Variants in SORCS1 observed in about 807,000 individuals in gnomAD.
SORCS1 encodes VPS10 domain-containing receptor SorCS1.
Under a neutral mutation model 146.1 loss-of-function variants are expected in SORCS1, and 60 were observed. The ratio of observed to expected loss-of-function variants is 0.41; its 90% CI spans 0.33 to 0.51. SORCS1 has a LOEUF of 0.51. Ranked by LOEUF, SORCS1 falls within the 20% of genes least tolerant of loss-of-function variation. The pLI is 0.21. For missense variants in SORCS1, 1,352 were observed against 1,487.6 expected (o/e 0.91, Z 1.50); for synonymous variants, 637 against 584.0 (o/e 1.09, Z -1.31).
At chr10:107,061,468 G>C (rs138810401) in intron 1 of SORCS1, among the ~76,000 whole-genome samples, 1 of 152,026 alleles carries the variant, frequency 6.6e-6, no homozygotes, top group Non-Finnish European at 1.5e-5. Flanking sequence ...CAGGTTTTTC[G>C]ACATCTCTTA....
chr10:106,646,526 T>A (rs754271087), intron 18 of SORCS1, among the ~76,000 whole-genome samples: 3 of 151,610 alleles, frequency 2.0e-5, no homozygotes, highest in East Asian at 3.9e-4. Flanking sequence ...TGAGACCCCG[T>A]CTCTACTAAA....
intron 2 of SORCS1, among the ~76,000 whole-genome samples, chr10:106,903,842 T>C (rs1158075439): frequency 6.6e-6 from 1 of 152,240 alleles, no homozygotes; most frequent in Non-Finnish European, 1.5e-5. Context: ...TTTATGTCCA[T>C]GCTTGTATGC....
intron 1 of SORCS1, among the ~76,000 whole-genome samples, chr10:107,058,489 T>C (rs1346314942): frequency 2.6e-5 from 4 of 152,184 alleles, no homozygotes; most frequent in Non-Finnish European, 4.4e-5. Flanking sequence ...ACAAAGAAAT[T>C]ACCTTGACTA....
At chr10:107,010,411 T>C (rs1426252773) in intron 1 of SORCS1, among the ~76,000 whole-genome samples, 1 of 145,506 alleles carries the variant, frequency 6.9e-6, no homozygotes, top group Admixed American at 7.0e-5. Flanking sequence ...CCTAGTTACT[T>C]GCTCACAAGG....
At chr10:106,698,101 G>A (rs1388773058) in intron 9 of SORCS1, among the ~76,000 whole-genome samples, 1 of 152,090 alleles carries the variant, frequency 6.6e-6, no homozygotes, top group African/African-American at 2.4e-5. Context: ...TCTAAATTTG[G>A]CATACAGTTT....
chr10:106,843,690 C>CT (rs1187663117), intron 2 of SORCS1, among the ~76,000 whole-genome samples: 1 of 152,064 alleles, frequency 6.6e-6, no homozygotes, highest in Non-Finnish European at 1.5e-5. Flanking sequence ...CCACCTTGGC[C>CT]CCCCAAAGTG....
chr10:107,103,567 A>T (rs1433739474), intron 1 of SORCS1, among the ~76,000 whole-genome samples: 3 of 152,196 alleles, frequency 2.0e-5, no homozygotes, highest in African/African-American at 7.2e-5. Context: ...AAGGCTTGAA[A>T]ACTACACATT....
At chr10:107,162,621 C>T (rs548201964) in intron 1 of SORCS1, among the ~76,000 whole-genome samples, 2 of 152,164 alleles carry the variant, frequency 1.3e-5, no homozygotes, top group Non-Finnish European at 2.9e-5. Flanking sequence ...TACATCAATG[C>T]TAAATATTAT....
intron 1 of SORCS1, among the ~76,000 whole-genome samples, chr10:107,137,745 C>T (rs979864443): frequency 6.6e-6 from 1 of 151,964 alleles, no homozygotes; most frequent in African/African-American, 2.4e-5. Context: ...GCCTGTAATC[C>T]CAGCTACTTG....
chr10:106,710,094 A>G (rs750782075), intron 6 of SORCS1, among the ~76,000 whole-genome samples: 4 of 152,196 alleles, frequency 2.6e-5, no homozygotes, highest in Admixed American at 6.5e-5. Flanking sequence ...AATGATAAAA[A>G]TGATGTGGTT....
chr10:106,869,574 A>T (rs1384627127), intron 2 of SORCS1, among the ~76,000 whole-genome samples: 2 of 152,240 alleles, frequency 1.3e-5, no homozygotes, highest in African/African-American at 4.8e-5. Context: ...TCACATAAAT[A>T]GAACTAAAGA....
chr10:106,717,503 G>A (rs2135909541), intron 6 of SORCS1, among the ~76,000 whole-genome samples: 1 of 152,316 alleles, frequency 6.6e-6, no homozygotes, highest in African/African-American at 2.4e-5. Flanking sequence ...GTGTGATTTA[G>A]CATTGCTTTC....
chr10:106,643,936 G>A (rs947864480), intron 18 of SORCS1, among the ~76,000 whole-genome samples: 4 of 152,176 alleles, frequency 2.6e-5, no homozygotes, highest in Admixed American at 2.6e-4. Context: ...TCTGAACTCT[G>A]CTATAGTATA....
intron 1 of SORCS1, among the ~76,000 whole-genome samples, chr10:107,153,598 C>T (rs1359891554): frequency 6.6e-6 from 1 of 152,174 alleles, no homozygotes; most frequent in Non-Finnish European, 1.5e-5. Context: ...AGGAAACAGA[C>T]AGAGTGATCT....
chr10:107,031,814 A>G (rs765750951), intron 1 of SORCS1, among the ~76,000 whole-genome samples: 4 of 151,934 alleles, frequency 2.6e-5, no homozygotes, highest in Non-Finnish European at 4.4e-5. Context: ...AACACTTCAA[A>G]CCATATTTGT....
upstream of SORCS1, among the ~76,000 whole-genome samples, chr10:107,166,971 C>G (rs2134977389): frequency 6.6e-6 from 1 of 152,318 alleles, no homozygotes; most frequent in African/African-American, 2.4e-5. Flanking sequence ...TAGATTTTTC[C>G]TTCCCAGAAT....
Position 106,663,788 on chromosome 10 carries a change from G to A in SORCS1, c.2303+3901C>T, listed in dbSNP as rs369822772. The stretch of plus-strand genomic sequence containing the variant: ...ATTTCAGGCCTTTGTCCCAGCTAAG[G>A]GTCTTCGTGTTCCTAATGCAAAATG... On this transcript the variant is annotated intron_variant, in intron 17 of 25. Coordinates refer to ENST00000263054, the MANE Select transcript of SORCS1 (RefSeq NM_052918.5). Among the ~76,000 whole-genome samples the A allele has an allele frequency of 5.9e-5, 9 of 152,262 alleles. No individual in the cohort carries two copies. In the East Asian group the frequency reaches 9.7e-4, roughly 16 times the overall value.
chr10:107,035,253 G>T (rs570968793), intron 1 of SORCS1, among the ~76,000 whole-genome samples: 1 of 130,968 alleles, frequency 7.6e-6, no homozygotes. Context: ...ATTTGGTCCA[G>T]TGAAGCTTCA....
intron 16 of SORCS1, among the ~76,000 whole-genome samples, chr10:106,669,152 G>T (rs1851393087): frequency 6.6e-6 from 1 of 152,012 alleles, no homozygotes; most frequent in Admixed American, 6.6e-5. Flanking sequence ...CAAGACTAAG[G>T]GGCACGAGAG....
Sources: allele counts gnomAD v4.1 joint callset (sites outside exome capture counted in the v4.1 genomes callset), GRCh38; gene constraint gnomAD v4.1.1; transcripts MANE v1.5; gene names NCBI Gene and HGNC (gene_info 2026-07-23, HGNC 2026-07-21).